Variants in KCNMA1 observed in about 807,000 individuals in gnomAD.
KCNMA1 encodes the protein Calcium-activated potassium channel subunit alpha-1.
In KCNMA1, 29 loss-of-function variants were observed where a neutral mutation model predicts 140.0. That is an observed-to-expected ratio of 0.21 (90% CI 0.15 to 0.28). The LOEUF is 0.28. Among genes scored for constraint, KCNMA1 ranks in the 10% least tolerant of loss-of-function variants. KCNMA1 has a pLI of 1.00. For missense variants in KCNMA1, 880 were observed against 1,602.2 expected (o/e 0.55, Z 7.70); for synonymous variants, 612 against 611.9 (o/e 1.00, Z 0.00).
At chr10:77,571,374 A>G (rs904176512) in intron 1 of KCNMA1, among the ~76,000 whole-genome samples, 4 of 152,236 alleles carry the variant, frequency 2.6e-5, no homozygotes, top group African/African-American at 9.6e-5. Context: ...TGATTCTGAC[A>G]GGAACTCTGG....
At chr10:77,129,728 T>G (rs1317543572) in intron 5 of KCNMA1, among the ~76,000 whole-genome samples, 1 of 152,020 alleles carries the variant, frequency 6.6e-6, no homozygotes, top group Non-Finnish European at 1.5e-5. Context: ...TGTAGAATTT[T>G]ATGGGAGCAA....
intron 2 of KCNMA1, among the ~76,000 whole-genome samples, chr10:77,362,913 C>A (rs949315920): frequency 3.7e-4 from 57 of 152,186 alleles, no homozygotes; most frequent in African/African-American, 1.4e-3. Flanking sequence ...GAGGCAGATA[C>A]ATTCCCTTTC....
rs765720206 is a variant in KCNMA1, at chr10:77,631,688, A to T, written c.378+5577T>A. Among the ~76,000 whole-genome samples the T allele has an allele frequency of 6.6e-4, 100 of 152,248 alleles. 1 individual carries two copies. The highest frequency in any genetic ancestry group is 5.2e-3 in the Admixed American group (80 of 15,284). On this transcript the variant is annotated intron_variant, in intron 1 of 27. Coordinates refer to ENST00000286628, the MANE Select transcript of KCNMA1 (RefSeq NM_001161352.2). ...CCAAAGCAAGCACTTACTCCTGGCT[A>T]TCAGCCACCAATGAATGTCCCCATC...
chr10:77,019,129 G>T (rs371765300), intron 16 of KCNMA1, 30 bp from the exon 17 acceptor site: 1 of 1,198,722 alleles, frequency 8.3e-7, no homozygotes, highest in Non-Finnish European at 1.2e-6. Context: ...AAACAGAGAA[G>T]ATACATTTGT....
intron 1 of KCNMA1, among the ~76,000 whole-genome samples, chr10:77,585,242 T>TGTGG (rs1238578691): frequency 6.6e-5 from 10 of 152,312 alleles, no homozygotes; most frequent in African/African-American, 2.4e-4. Context: ...ACAGTCAGAC[T>TGTGG]GGCTGGGGTG....
intron 1 of KCNMA1, among the ~76,000 whole-genome samples, chr10:77,585,764 T>C (rs2077107248): frequency 6.6e-6 from 1 of 152,164 alleles, no homozygotes; most frequent in Admixed American, 6.5e-5. Flanking sequence ...CTCACCACCT[T>C]CAGTTATACC....
chr10:77,137,705 T>C (rs148252868), intron 5 of KCNMA1, among the ~76,000 whole-genome samples: 201 of 152,358 alleles, frequency 1.3e-3, no homozygotes, highest in African/African-American at 4.4e-3. Context: ...ATGTGTGTTC[T>C]ATAAACAGTT....
rs117055190 is a variant in KCNMA1 at position 77,460,623 on chromosome 10, G to A, written c.379-56600C>T. On this transcript the variant is annotated intron_variant, in intron 1 of 27. Transcript: ENST00000286628. ...ATCATGTCTTTTGCAGCAACACAGA[G>A]GGAACTGGAGGCCGTTATCCTAAGT... is the stretch of plus-strand genomic sequence containing the variant. Among the ~76,000 whole-genome samples the A allele has an allele frequency of 5.1e-4, 77 of 152,194 alleles. No homozygotes were observed. In the East Asian group the frequency reaches 0.013, roughly 25 times the overall value.
At chr10:77,410,749 C>G (rs77234434) in intron 1 of KCNMA1, among the ~76,000 whole-genome samples, 110 of 152,318 alleles carry the variant, frequency 7.2e-4, no homozygotes, top group African/African-American at 2.5e-3. Flanking sequence ...CCAGGACATT[C>G]CAGACCCAGT....
At chr10:77,555,704 A>T (rs1005480140) in intron 1 of KCNMA1, among the ~76,000 whole-genome samples, 4 of 152,228 alleles carry the variant, frequency 2.6e-5, no homozygotes, top group Non-Finnish European at 4.4e-5. Flanking sequence ...TTTCCACTGG[A>T]CACAGAGAAC....
At chr10:77,089,280 T>A (rs558264483) in intron 10 of KCNMA1, among the ~76,000 whole-genome samples, 1 of 152,170 alleles carries the variant, frequency 6.6e-6, no homozygotes, top group Non-Finnish European at 1.5e-5. Context: ...CCGACCTCAG[T>A]GGAACCTCAG....
At chr10:77,250,949 A>G (rs2059547399) in intron 3 of KCNMA1, 2 of 509,632 alleles carry the variant, frequency 3.9e-6, no homozygotes, top group African/African-American at 3.9e-5. Flanking sequence ...AAAATAAGTA[A>G]TACCCAGCAA....
intron 14 of KCNMA1, among the ~76,000 whole-genome samples, chr10:77,063,247 T>C (rs1279408345): frequency 6.6e-6 from 1 of 152,114 alleles, no homozygotes; most frequent in Non-Finnish European, 1.5e-5. Flanking sequence ...ACCCCGTCTC[T>C]ACTAAAAATA....
intron 5 of KCNMA1, among the ~76,000 whole-genome samples, chr10:77,143,723 A>T (rs1440249183): frequency 6.6e-6 from 1 of 152,212 alleles, no homozygotes; most frequent in Non-Finnish European, 1.5e-5. Flanking sequence ...TCACATTTTT[A>T]AAAAGACTGA....
Position 76,885,582 on chromosome 10 carries a change from A to G in KCNMA1, c.*1684T>C. On this transcript the variant is annotated 3_prime_UTR_variant, in exon 28 of 28. Coordinates refer to ENST00000286628, the MANE Select transcript of KCNMA1 (RefSeq NM_001161352.2). ...TCACCATAAAAACACCTTTTTAGAGATGGTACAGCTGTGACATGTTTTCCT... is the reference window on the plus strand; with the variant it reads ...TCACCATAAAAACACCTTTTTAGAGGTGGTACAGCTGTGACATGTTTTCCT... The G allele has an allele frequency of 1.0e-6, 1 of 985,372 alleles. No homozygotes were observed. The highest frequency in any genetic ancestry group is 1.2e-6 in the Non-Finnish European group (1 of 829,924). The allele number at this position is 985,372 out of a possible 1,614,324, so 61.0% of individuals were successfully genotyped here.
At chr10:77,126,423 C>A (rs1339047940) in intron 5 of KCNMA1, among the ~76,000 whole-genome samples, 2 of 152,192 alleles carry the variant, frequency 1.3e-5, no homozygotes, top group Non-Finnish European at 2.9e-5. Flanking sequence ...GACACAAGTT[C>A]CCTTGCATTT....
intron 9 of KCNMA1, among the ~76,000 whole-genome samples, chr10:77,098,427 T>C (rs961827945): frequency 6.6e-6 from 1 of 151,888 alleles, no homozygotes; most frequent in Non-Finnish European, 1.5e-5. Flanking sequence ...ACAGTGGGAG[T>C]TGATTCAACC....
chr10:76,934,487 C>G (rs2060027043), intron 23 of KCNMA1, among the ~76,000 whole-genome samples: 1 of 152,216 alleles, frequency 6.6e-6, no homozygotes, highest in African/African-American at 2.4e-5. Context: ...ATGGCTCACA[C>G]TCTGCACAAG....
chr10:77,625,616 A>T (rs2092388573), intron 1 of KCNMA1, among the ~76,000 whole-genome samples: 1 of 152,102 alleles, frequency 6.6e-6, no homozygotes, highest in South Asian at 2.1e-4. Flanking sequence ...TCCTTTTGTG[A>T]CTGGCTTATT....
Sources: allele counts gnomAD v4.1 joint callset (sites outside exome capture counted in the v4.1 genomes callset), GRCh38; gene constraint gnomAD v4.1.1; transcripts MANE v1.5; gene names NCBI Gene and HGNC (gene_info 2026-07-23, HGNC 2026-07-21).